PDSS2: variants seen among roughly 807,000 people sequenced by gnomAD.
PDSS2 encodes the protein all trans-polyprenyl-diphosphate synthase PDSS2.
PDSS2 carries 31 observed loss-of-function variants against 44.5 expected under a neutral mutation model. That is an observed-to-expected ratio of 0.70 (90% CI 0.52 to 0.94). The LOEUF (loss-of-function observed/expected upper bound fraction) is 0.94, where lower values mean the gene tolerates loss of function less well. PDSS2 is among the 40% of genes least tolerant of loss of function. The pLI, the probability that PDSS2 is intolerant of heterozygous loss-of-function variation, is 0.00. For synonymous variants in PDSS2, 157 were observed against 180.3 expected (o/e 0.87, Z 1.03); for missense variants, 452 against 482.2 (o/e 0.94, Z 0.59).
intron 1 of PDSS2, among the ~76,000 whole-genome samples, chr6:107,336,257 GAAA>G (rs780156049): frequency 1.4e-5 from 1 of 69,068 alleles, no homozygotes; most frequent in Non-Finnish European, 3.1e-5. Context: ...TTCCGTCTCA[GAAA>G]AAAAAAAAAA....
chr6:107,176,423 CACACAT>C (rs1197479472), intron 7 of PDSS2, among the ~76,000 whole-genome samples: 2,003 of 68,246 alleles, frequency 0.029, 46 homozygotes, highest in African/African-American at 0.14. Flanking sequence ...AACACACACA[CACACAT>C]ACACACACAC....
At chr6:107,415,334 T>C (rs1190186103) in intron 1 of PDSS2, among the ~76,000 whole-genome samples, 1 of 152,120 alleles carries the variant, frequency 6.6e-6, no homozygotes, top group East Asian at 1.9e-4. Flanking sequence ...TTGTTAATCA[T>C]AGCACTAAAA....
intron 2 of PDSS2, among the ~76,000 whole-genome samples, chr6:107,313,794 T>C (rs950942652): frequency 4.6e-5 from 7 of 152,196 alleles, no homozygotes; most frequent in African/African-American, 1.7e-4. Flanking sequence ...TTGAGTAGGG[T>C]ATCCTCTTTT....
chr6:107,255,776 A>T (rs1423669341), intron 3 of PDSS2, among the ~76,000 whole-genome samples: 1 of 152,134 alleles, frequency 6.6e-6, no homozygotes, highest in African/African-American at 2.4e-5. Context: ...GGTCTTCCAA[A>T]TTTTTGATGC....
chr6:107,224,821 A>G (rs1178930511), intron 4 of PDSS2, among the ~76,000 whole-genome samples: 2 of 151,066 alleles, frequency 1.3e-5, no homozygotes, highest in African/African-American at 4.9e-5. Flanking sequence ...TGCAAAACAA[A>G]CTAGCATCTT....
intron 3 of PDSS2, among the ~76,000 whole-genome samples, chr6:107,269,340 C>CTGTGTCTGTG (rs1554260787): frequency 6.3e-5 from 9 of 143,306 alleles, no homozygotes; most frequent in African/African-American, 1.3e-4. Context: ...TTTCGTGTGT[C>CTGTGTCTGTG]TGTGTGTGTG....
At chr6:107,156,065 T>A (rs1770883383) in intron 7 of PDSS2, among the ~76,000 whole-genome samples, 1 of 150,862 alleles carries the variant, frequency 6.6e-6, no homozygotes, top group Admixed American at 6.6e-5. Context: ...AATTTTGGTA[T>A]TTTTGGTAGA....
chr6:107,256,079 G>A (rs189831869), intron 3 of PDSS2, among the ~76,000 whole-genome samples: 65 of 152,016 alleles, frequency 4.3e-4, no homozygotes, highest in African/African-American at 1.5e-3. Context: ...TAACCTCCCC[G>A]TCCCAGGTTC....
intron 4 of PDSS2, among the ~76,000 whole-genome samples, chr6:107,215,141 A>G (rs1773368903): frequency 6.6e-6 from 1 of 152,196 alleles, no homozygotes; most frequent in African/African-American, 2.4e-5. Context: ...ATATTAATAA[A>G]CCTAAGAAAA....
Position 107,458,999 on chromosome 6 carries a change from G to A in PDSS2, c.287C>T (p.Thr96Ile), listed in dbSNP as rs770715952. ...KLVGTQHPLL[T>I]TARGLVHDSW... ...GAGAGGGGTAGCTCACCTGGCTGTGGTAAGCAGAGGGTGCTGAGTGCCCAC... is the reference window on the plus strand; with the variant it reads ...GAGAGGGGTAGCTCACCTGGCTGTGATAAGCAGAGGGTGCTGAGTGCCCAC... Residue 96 changes from threonine (T) to isoleucine (I), a missense_variant, in exon 1 of 8, where the codon ACC becomes ATC. Coordinates refer to ENST00000369037, the MANE Select transcript of PDSS2 (RefSeq NM_020381.4). 1.9e-6 allele frequency: 3 copies of A among 1,614,062 alleles called. No individual in the cohort carries two copies. Among genetic ancestry groups the A allele is most frequent in the Non-Finnish European group, 2.5e-6 (3 of 1,179,954 alleles).
intron 7 of PDSS2, among the ~76,000 whole-genome samples, chr6:107,170,606 ACCC>A (rs201361243): frequency 0.094 from 9,096 of 96,324 alleles, 307 homozygotes; most frequent in African/African-American, 0.14. Flanking sequence ...TCTTGGAACC[ACCC>A]CCCCCCCCCC....
chr6:107,266,459 T>A (rs1214613174), intron 3 of PDSS2, among the ~76,000 whole-genome samples: 3 of 151,974 alleles, frequency 2.0e-5, no homozygotes, highest in Non-Finnish European at 4.4e-5. Flanking sequence ...TGCAAAAGAT[T>A]CACGTTTGAG....
intron 7 of PDSS2, among the ~76,000 whole-genome samples, chr6:107,191,804 G>T (rs1217625752): frequency 6.6e-6 from 1 of 152,098 alleles, no homozygotes; most frequent in Non-Finnish European, 1.5e-5. Flanking sequence ...TACAGACAGG[G>T]TTTCACCATA....
intron 2 of PDSS2, among the ~76,000 whole-genome samples, chr6:107,322,576 G>A (rs1777414545): frequency 6.6e-6 from 1 of 151,996 alleles, no homozygotes; most frequent in Non-Finnish European, 1.5e-5. Context: ...CGGGTGTGGT[G>A]GCTCATGCCT....
intron 1 of PDSS2, among the ~76,000 whole-genome samples, chr6:107,434,750 T>C (rs1055453036): frequency 6.6e-6 from 1 of 152,158 alleles, no homozygotes; most frequent in African/African-American, 2.4e-5. Flanking sequence ...AGAGTATTAC[T>C]AGAATGTTTG....
chr6:107,305,336 T>G (rs887885620), intron 2 of PDSS2, among the ~76,000 whole-genome samples: 16 of 152,178 alleles, frequency 1.1e-4, no homozygotes, highest in African/African-American at 3.9e-4. Flanking sequence ...TTCAGGTATC[T>G]ATGGCCCTCT....
chr6:107,329,053 C>A (rs1777634781), intron 2 of PDSS2, among the ~76,000 whole-genome samples: 2 of 152,194 alleles, frequency 1.3e-5, no homozygotes, highest in Non-Finnish European at 2.9e-5. Context: ...TTCACTAATT[C>A]CCTGGCTGAC....
intron 1 of PDSS2, among the ~76,000 whole-genome samples, chr6:107,401,957 A>T (rs1780116962): frequency 1.3e-5 from 2 of 152,162 alleles, no homozygotes; most frequent in African/African-American, 4.8e-5. Flanking sequence ...ATCCTGGCCA[A>T]CATGGTGAAA....
chr6:107,162,610 A>ATTTTTTTTTTTT lies in PDSS2; in HGVS notation c.1042-7845_1042-7834dup, dbSNP rs71012782. On this transcript the variant is annotated intron_variant, in intron 7 of 7. Transcript: ENST00000369037. The stretch of plus-strand genomic sequence containing the variant: ...TTTTTATTTTGTCAAGAATTCCCTA[A>ATTTTTTTTTTTT]TTTTTTTTTTTTTTTGAGATGGAGT... Among the ~76,000 whole-genome samples the ATTTTTTTTTTTT allele has an allele frequency of 6.6e-3, 760 of 115,478 alleles. 28 individuals carry two copies. The highest frequency in any genetic ancestry group is 8.7e-3 in the African/African-American group (250 of 28,656). 75.8% of individuals were successfully genotyped at this position (115,478 alleles called of 152,430 possible). A position where few individuals can be genotyped will look rare whatever the true frequency, so the allele number is the denominator to read the frequency against.
Sources: gnomAD v4.1 joint callset for allele counts (sites outside exome capture counted in the v4.1 genomes callset) on GRCh38, gnomAD v4.1.1 for gene constraint, MANE v1.5 for transcripts, NCBI Gene and HGNC (gene_info 2026-07-23, HGNC 2026-07-21) for gene names.